RGS6: variants seen among roughly 807,000 people sequenced by gnomAD.
The protein encoded by RGS6 is regulator of G-protein signaling 6.
A neutral mutation model predicts 78.5 loss-of-function variants in RGS6; 30 were observed. That is an observed-to-expected ratio of 0.38 (90% confidence interval 0.29 to 0.52). The LOEUF (loss-of-function observed/expected upper bound fraction) is 0.52. RGS6 is among the 20% of genes least tolerant of loss of function. RGS6 has a pLI of 0.85. For missense variants in RGS6, 495 were observed against 609.7 expected (o/e 0.81, Z 1.98); for synonymous variants, 206 against 206.0 (o/e 1.00, Z 0.00).
At chr14:72,362,010 C>T (rs760068408) in intron 3 of RGS6, among the ~76,000 whole-genome samples, 1 of 152,150 alleles carries the variant, frequency 6.6e-6, no homozygotes, top group African/African-American at 2.4e-5. Context: ...GGAATATTAA[C>T]TGATTTTATT....
the RGS6 span, among the ~76,000 whole-genome samples, chr14:71,922,849 AAAAAACAAAAACAAAAC>A: frequency 1.4e-5 from 2 of 143,422 alleles, no homozygotes. Context: ...ATGGGAAGAC[AAAAAACAAAAACAAAAC>A]AAAACAAAAC....
At chr14:72,132,661 T>TC (rs1167515435) in intron 2 of RGS6, among the ~76,000 whole-genome samples, 1 of 152,176 alleles carries the variant, frequency 6.6e-6, no homozygotes, top group Non-Finnish European at 1.5e-5. Flanking sequence ...TCTTTTTTTT[T>TC]AAACGGATAA....
chr14:72,556,387 C>G (rs1193457768), intron 17 of RGS6, among the ~76,000 whole-genome samples: 1 of 152,096 alleles, frequency 6.6e-6, no homozygotes, highest in Admixed American at 6.5e-5. Context: ...GGGAAACCAC[C>G]CCCATGATCC....
chr14:72,111,217 A>G (rs1451808878), intron 2 of RGS6, among the ~76,000 whole-genome samples: 1 of 152,208 alleles, frequency 6.6e-6, no homozygotes, highest in Non-Finnish European at 1.5e-5. Flanking sequence ...CTGTAAAAAG[A>G]AATCGATTCT....
chr14:72,624,288 T>C, the RGS6 span, among the ~76,000 whole-genome samples: 7 of 150,916 alleles, frequency 4.6e-5, no homozygotes, highest in South Asian at 1.5e-3. Context: ...TGTTAACTAA[T>C]CTACAGACTT....
At chr14:71,994,097 A>T (rs567988254) in intron 2 of RGS6, among the ~76,000 whole-genome samples, 1 of 152,080 alleles carries the variant, frequency 6.6e-6, no homozygotes, top group African/African-American at 2.4e-5. Flanking sequence ...TGACTGCATT[A>T]TACATACCCA....
intron 2 of RGS6, among the ~76,000 whole-genome samples, chr14:72,134,998 G>C (rs1008238739): frequency 6.6e-6 from 1 of 152,206 alleles, no homozygotes; most frequent in African/African-American, 2.4e-5. Context: ...CACCCTGAAA[G>C]ACTCATCCAG....
chr14:72,371,508 T>C (rs1471572326), intron 3 of RGS6, among the ~76,000 whole-genome samples: 8 of 152,204 alleles, frequency 5.3e-5, no homozygotes, highest in Non-Finnish European at 4.4e-5. Context: ...ATGCCTATAA[T>C]CGCAGCACTT....
intron 15 of RGS6, among the ~76,000 whole-genome samples, chr14:72,532,473 C>T (rs1315401389): frequency 6.6e-6 from 1 of 152,166 alleles, no homozygotes; most frequent in African/African-American, 2.4e-5. Context: ...TCTAAGTGTT[C>T]AGGCAAAAGG....
intron 2 of RGS6, among the ~76,000 whole-genome samples, chr14:72,336,728 A>G (rs1479386985): frequency 1.3e-5 from 2 of 152,158 alleles, no homozygotes; most frequent in Non-Finnish European, 2.9e-5. Flanking sequence ...TGGGTGGGCT[A>G]AGTAACAGAC....
intron 2 of RGS6, among the ~76,000 whole-genome samples, chr14:72,019,738 C>T (rs1453461447): frequency 6.6e-6 from 1 of 152,110 alleles, no homozygotes; most frequent in East Asian, 1.9e-4. Flanking sequence ...AGTCAGTGGT[C>T]ATTCTGTTTT....
At chr14:72,517,694 T>A (rs941141178) in intron 14 of RGS6, among the ~76,000 whole-genome samples, 70 of 152,244 alleles carry the variant, frequency 4.6e-4, no homozygotes, top group Admixed American at 2.0e-4. Flanking sequence ...TGATGTGAAT[T>A]GGCTCAGTTT....
At chr14:72,114,561 T>C (rs1341231625) in intron 2 of RGS6, among the ~76,000 whole-genome samples, 3 of 152,208 alleles carry the variant, frequency 2.0e-5, no homozygotes, top group Admixed American at 1.3e-4. Flanking sequence ...GAAATCTCCC[T>C]AGAACACAGT....
intron 2 of RGS6, among the ~76,000 whole-genome samples, chr14:72,037,407 C>T (rs767695779): frequency 1.2e-4 from 18 of 152,122 alleles, no homozygotes; most frequent in African/African-American, 2.9e-4. Context: ...TTGAAATCAG[C>T]GAGGCCGTGA....
At chr14:72,549,388 C>T (rs1370125549) in intron 17 of RGS6, among the ~76,000 whole-genome samples, 2 of 152,186 alleles carry the variant, frequency 1.3e-5, no homozygotes, top group Non-Finnish European at 2.9e-5. Context: ...GTGCAGTGAG[C>T]CCCAGCACAG....
chr14:72,255,392 G>A (rs1422569737), intron 2 of RGS6, among the ~76,000 whole-genome samples: 1 of 152,136 alleles, frequency 6.6e-6, no homozygotes, highest in Non-Finnish European at 1.5e-5. Flanking sequence ...GGTGAAGACA[G>A]TATAGAATAA....
intron 3 of RGS6, among the ~76,000 whole-genome samples, chr14:72,364,120 C>G (rs2082042243): frequency 6.6e-6 from 1 of 151,626 alleles, no homozygotes; most frequent in South Asian, 2.1e-4. Flanking sequence ...TGCCAACACT[C>G]TCACCTACTT....
upstream of RGS6, among the ~76,000 whole-genome samples, chr14:71,930,045 C>G (rs1057099028): frequency 6.6e-6 from 1 of 152,174 alleles, no homozygotes; most frequent in Non-Finnish European, 1.5e-5. Flanking sequence ...TATTAAGAAA[C>G]CAAGGTCTGA....
the RGS6 span, among the ~76,000 whole-genome samples, chr14:71,887,079 A>T: frequency 3.3e-5 from 5 of 152,178 alleles, no homozygotes; most frequent in Non-Finnish European, 7.3e-5. Flanking sequence ...AGGGACCCCA[A>T]ACGGAGGGAC....
Sources: allele counts gnomAD v4.1 joint callset (sites outside exome capture counted in the v4.1 genomes callset), GRCh38; gene constraint gnomAD v4.1.1; transcripts MANE v1.5; gene names NCBI Gene and HGNC (gene_info 2026-07-23, HGNC 2026-07-21).